Variants in TMPO observed in about 807,000 individuals in gnomAD.
TMPO encodes thymopoietin, also known as LEM domain containing 4.
Under a neutral mutation model 45.4 loss-of-function variants are expected in TMPO, and 22 were observed. That is an observed-to-expected ratio of 0.48 (90% CI 0.35 to 0.69). The LOEUF (loss-of-function observed/expected upper bound fraction) is 0.69, where lower values mean the gene tolerates loss of function less well. TMPO is among the 30% of genes least tolerant of loss of function. The pLI, the probability that TMPO is intolerant of heterozygous loss-of-function variation, is 0.01. For synonymous variants in TMPO, 241 were observed against 204.1 expected (o/e 1.18, Z -1.54); for missense variants, 512 against 548.8 (o/e 0.93, Z 0.67).
At chr12:98,520,795 A>C (rs1017324433) in intron 1 of TMPO, among the ~76,000 whole-genome samples, 1 of 151,132 alleles carries the variant, frequency 6.6e-6, no homozygotes, top group South Asian at 2.1e-4. Flanking sequence ...GATGGTCTCT[A>C]TCTCCTGATC....
intron 1 of TMPO, 24 bp from the exon 2 acceptor site, chr12:98,527,862 A>G (rs755931635): frequency 2.5e-6 from 4 of 1,612,736 alleles, no homozygotes; most frequent in Middle Eastern, 1.7e-4. Flanking sequence ...TCATATGGAA[A>G]TGATTACTGG....
rs766106989 is a variant in TMPO at position 98,547,564 on chromosome 12, T to A, written c.1080-9T>A. 6.2e-7 allele frequency: 1 copy of A among 1,614,060 alleles called. No homozygotes were observed. The highest frequency in any genetic ancestry group is 1.1e-5 in the South Asian group (1 of 91,070). On this transcript the variant is annotated splice_polypyrimidine_tract_variant and intron_variant, in intron 8 of 8. Coordinates refer to ENST00000556029, the MANE Select transcript of TMPO (RefSeq NM_001032283.3). Reference sequence around the variant, plus strand: ...ATTATTTTTCTTTTCCTCCTTTCACTCCCAACAGTGCTAGTTGCCGCAGAC... The same window carrying A: ...ATTATTTTTCTTTTCCTCCTTTCACACCCAACAGTGCTAGTTGCCGCAGAC...
In TMPO at chr12:98,545,129, GT is replaced by G. The variant is rs79128220; in HGVS notation, c.990+86del. ...AAAGAGGAAATATAAATATTTGTTT[GT>G]TTTTTTTTTTTTTTTTTGGAGTGGG... On this transcript the variant is annotated intron_variant, in intron 7 of 8. Transcript: ENST00000556029. 44,437 of 636,466 alleles carry G rather than the reference GT, an allele frequency of 0.07. 141 individuals are homozygous for G. The highest frequency in any genetic ancestry group is 0.15 in the East Asian group (4,207 of 28,834). The allele number at this position is 636,466 out of a possible 1,614,324, so 39.4% of individuals were successfully genotyped here.
chr12:98,532,122 G>A (rs1015604640), intron 3 of TMPO: 4 of 355,432 alleles, frequency 1.1e-5, no homozygotes, highest in Non-Finnish European at 2.1e-5. Flanking sequence ...ACAAGTAAAG[G>A]CAAAGTTTCT....
rs1284474609 is a variant in TMPO, at chr12:98,533,973, A to G, written c.565+2135A>G. ...AGTTGGACTTAGCACTCTGTAGAGC[A>G]TATGAAGCTGCAGCATCAGCATTGC... On this transcript the variant is annotated intron_variant, in intron 3 of 8. Coordinates refer to ENST00000556029, the MANE Select transcript of TMPO (RefSeq NM_001032283.3). The G allele has an allele frequency of 6.2e-7, 1 of 1,610,552 alleles. No individual in the cohort carries two copies. The highest frequency in any genetic ancestry group is 8.5e-7 in the Non-Finnish European group (1 of 1,177,368).
At chr12:98,537,426 A>T in intron 3 of TMPO, 49 bp from the exon 4 acceptor site, 1 of 1,449,562 alleles carries the variant, frequency 6.9e-7, no homozygotes, top group East Asian at 2.3e-5. Flanking sequence ...TAACATCATC[A>T]TTTATTGAGT....
chr12:98,532,482 T>G (rs1415194007), intron 3 of TMPO, among the ~76,000 whole-genome samples: 1 of 142,092 alleles, frequency 7.0e-6, no homozygotes, highest in Non-Finnish European at 1.6e-5. Flanking sequence ...AAAGCAAATA[T>G]TTTGACTATA....
intron 1 of TMPO, among the ~76,000 whole-genome samples, chr12:98,526,765 C>G (rs1339474499): frequency 6.6e-6 from 1 of 152,094 alleles, no homozygotes; most frequent in African/African-American, 2.4e-5. Flanking sequence ...CGAGACCATT[C>G]TGGCCAACAT....
At chr12:98,539,694 G>A (rs1436306527) in intron 4 of TMPO, among the ~76,000 whole-genome samples, 1 of 152,020 alleles carries the variant, frequency 6.6e-6, no homozygotes, top group Non-Finnish European at 1.5e-5. Context: ...AGCTGGTCTC[G>A]AACTCCTGAC....
chr12:98,537,484 T>C lies in TMPO; in HGVS notation c.575T>C (p.Ile192Thr), dbSNP rs998654451. The stretch of plus-strand genomic sequence containing the variant: ...CCAATGTTATTTCCAGACTCTAAAA[T>C]AGAGCTCAAGCTTGAGAAGAGAGAA... ...RYSDNEEDSK[I>T]ELKLEKREPL... Residue 192 changes from isoleucine (I) to threonine (T), a missense_variant, in exon 4 of 9, where the codon ATA becomes ACA. Around this residue, in one of 3 missense-constraint regions of TMPO, gnomAD observed 299 missense variants for 296.7 expected, o/e 1.01. Coordinates refer to ENST00000556029, the MANE Select transcript of TMPO (RefSeq NM_001032283.3). The C allele has an allele frequency of 2.5e-6, 4 of 1,612,482 alleles. No homozygotes were observed. The highest frequency in any genetic ancestry group is 3.4e-6 in the Non-Finnish European group (4 of 1,179,116).
Position 98,547,738 on chromosome 12 carries a change from A to G in TMPO, c.1245A>G (p.Ile415Met). 1 of 1,614,196 alleles carries G rather than the reference A, an allele frequency of 6.2e-7. No individual in the cohort carries two copies. Among genetic ancestry groups the G allele is most frequent in the Non-Finnish European group, 8.5e-7 (1 of 1,180,030 alleles). The change falls in exon 9 of 9, where the codon ATA (isoleucine) becomes ATG (methionine). Residue 415 changes from isoleucine to methionine, a missense_variant. Physicochemically the swap from Ile to Met is conservative, Grantham distance 10. Transcript: ENST00000556029. ...TKKGRSIPVW[I>M]KILLFVVVAV... ...AGGGACGCTCCATTCCCGTATGGAT[A>G]AAAATTTTGCTGTTTGTTGTTGTGG...
chr12:98,540,568 G>C (rs1245448406), intron 4 of TMPO, among the ~76,000 whole-genome samples: 2 of 152,186 alleles, frequency 1.3e-5, no homozygotes, highest in East Asian at 3.9e-4. Flanking sequence ...AGTAGAGACG[G>C]GGTTTCTCCG....
intron 2 of TMPO, 133 bp from the exon 3 acceptor site, chr12:98,531,547 A>ATT: frequency 4.4e-5 from 34 of 777,212 alleles, no homozygotes; most frequent in Non-Finnish European, 5.9e-5. Context: ...ATTATATGGT[A>ATT]TTTTTTTTTT....
At chr12:98,522,495 A>G (rs904744523) in intron 1 of TMPO, among the ~76,000 whole-genome samples, 1 of 152,250 alleles carries the variant, frequency 6.6e-6, no homozygotes, top group Non-Finnish European at 1.5e-5. Flanking sequence ...ACTTATTCAT[A>G]TGACACTGAA....
At chr12:98,535,382 T>C (rs1877507475) in intron 3 of TMPO, 1 of 985,308 alleles carries the variant, frequency 1.0e-6, no homozygotes, top group Non-Finnish European at 1.2e-6. Context: ...TTAAGAGTCT[T>C]AACTGCAGAG....
At chr12:98,545,600 T>G (rs535577256) in intron 7 of TMPO, among the ~76,000 whole-genome samples, 1 of 152,334 alleles carries the variant, frequency 6.6e-6, no homozygotes, top group Non-Finnish European at 1.5e-5. Flanking sequence ...AGCTAAACAT[T>G]ATATTTTTTT....
At chr12:98,538,345 AT>A (rs1592950823) in intron 4 of TMPO, among the ~76,000 whole-genome samples, 1 of 151,838 alleles carries the variant, frequency 6.6e-6, no homozygotes, top group East Asian at 1.9e-4. Context: ...TCCATCTCCT[AT>A]TTGTCACTTT....
chr12:98,528,479 G>C (rs895853097), intron 2 of TMPO, among the ~76,000 whole-genome samples: 1 of 151,888 alleles, frequency 6.6e-6, no homozygotes. Context: ...GGATTTCACC[G>C]TGTTAGCAAG....
At position 98,536,745 on chromosome 12, in the gene TMPO, A is replaced by T. The variant is rs567119093; in HGVS notation, c.566-730A>T. On this transcript the variant is annotated intron_variant, in intron 3 of 8. Transcript: ENST00000556029. The stretch of plus-strand genomic sequence containing the variant: ...GACTGGAATATTGAAGCCTATTAAA[A>T]AATACATATCCTTGCGTTGTTAGGT... Among the ~76,000 whole-genome samples, 65 of 152,360 alleles carry T rather than the reference A, an allele frequency of 4.3e-4. 2 individuals carry two copies. Among genetic ancestry groups the T allele is most frequent in the African/African-American group, 1.6e-3 (65 of 41,592 alleles).
Sources: allele counts gnomAD v4.1 joint callset (sites outside exome capture counted in the v4.1 genomes callset), GRCh38; gene constraint gnomAD v4.1.1; regional missense constraint gnomAD v4.1.1; transcripts MANE v1.5; gene names NCBI Gene and HGNC (gene_info 2026-07-23, HGNC 2026-07-21).